Variants in POR observed in about 807,000 individuals in gnomAD.
POR encodes NADPH--cytochrome P450 reductase.
Under a neutral mutation model 84.0 loss-of-function variants are expected in POR, and 56 were observed. That is an observed-to-expected ratio of 0.67 (90% CI 0.54 to 0.83). The LOEUF is 0.83. Among genes scored for constraint, POR ranks in the 40% least tolerant of loss-of-function variants. The pLI, the probability that POR is intolerant of heterozygous loss-of-function variation, is 0.00. For synonymous variants in POR, 414 were observed against 400.5 expected, an observed-to-expected ratio of 1.03 and a Z score of -0.40; for missense variants, 938 against 944.3, an observed-to-expected ratio of 0.99 and a Z score of 0.09.
At chr7:75,940,643 G>A (rs1807934714) in intron 1 of POR, among the ~76,000 whole-genome samples, 1 of 151,826 alleles carries the variant, frequency 6.6e-6, no homozygotes, top group South Asian at 2.1e-4. Flanking sequence ...AATTAGCCGG[G>A]TGTGGTGGCA....
At position 75,983,766 on chromosome 7, in the gene POR, T is replaced by TACCCAGCCAACGACTCTGC; in HGVS notation, c.977_995dup (p.Leu333ProfsTer30). 6.2e-7 allele frequency: 1 copy of TACCCAGCCAACGACTCTGC among 1,612,456 alleles called. No homozygotes were observed. Among genetic ancestry groups the TACCCAGCCAACGACTCTGC allele is most frequent in the Non-Finnish European group, 8.5e-7 (1 of 1,179,726 alleles). On this transcript the variant is annotated frameshift_variant, in exon 10 of 16. Transcript: ENST00000461988. LOFTEE classifies it high-confidence loss of function. ...TGAATCTGGGGACCACGTGGCTGTGTACCCAGCCAACGACTCTGCTCTCGT... is the reference window on the plus strand; with the variant it reads ...TGAATCTGGGGACCACGTGGCTGTGTACCCAGCCAACGACTCTGCACCCAGCCAACGACTCTGCTCTCGT...
At chr7:75,978,927 A>G (rs1316095998) in intron 3 of POR, among the ~76,000 whole-genome samples, 3 of 148,476 alleles carry the variant, frequency 2.0e-5, no homozygotes, top group Non-Finnish European at 4.5e-5. Context: ...CTCCCTAGTA[A>G]CTGGGATTAC....
intron 12 of POR, 133 bp downstream of exon 12, chr7:75,985,340 A>C: frequency 8.0e-7 from 1 of 1,257,748 alleles, no homozygotes; most frequent in South Asian, 1.6e-5. Context: ...CGCAGCTCCA[A>C]ATGCCTCCCC....
At chr7:75,962,657 T>C (rs1215467725) in intron 2 of POR, among the ~76,000 whole-genome samples, 1 of 152,208 alleles carries the variant, frequency 6.6e-6, no homozygotes, top group African/African-American at 2.4e-5. Context: ...GACAGATGTA[T>C]GTGATTCTGT....
At chr7:75,980,928 G>C in intron 5 of POR, 120 bp from the exon 6 acceptor site, 2 of 1,271,058 alleles carry the variant, frequency 1.6e-6, no homozygotes, top group South Asian at 3.1e-5. Flanking sequence ...GTGGAACGGA[G>C]GCCTGCAGGT....
In POR at chr7:75,985,800, G is replaced by A; in HGVS notation, c.1620G>A (p.Val540=). ...TCATGGTGGGCCCCGGCACCGGGGT[G>A]GCACCCTTCATAGGCTTCATCCAGG... Residue 540 remains valine (V), a synonymous_variant, in exon 13 of 16, where the codon GTG becomes GTA. Transcript: ENST00000461988. 1.3e-6 allele frequency: 2 copies of A among 1,566,420 alleles called. No individual in the cohort carries two copies. The highest frequency in any genetic ancestry group is 1.7e-4 in the Middle Eastern group (1 of 5,978).
chr7:75,983,618 T>G lies in POR; in HGVS notation c.929T>G (p.Ile310Ser). Residue 310 changes from isoleucine to serine, a missense_variant, in exon 9 of 16, where the codon ATC (isoleucine) becomes AGC (serine). By Grantham distance (142) the Ile-to-Ser change is moderately radical (BLOSUM62 -2). Coordinates refer to ENST00000461988, the MANE Select transcript of POR (RefSeq NM_000941.3). ...CACCTCATGCACCTGGAATTGGACA[T>G]CTCGGACTCCAAAATCAGGTACCAG... 1.9e-6 allele frequency: 3 copies of G among 1,612,794 alleles called. No homozygotes were observed. The highest frequency in any genetic ancestry group is 2.5e-6 in the Non-Finnish European group (3 of 1,179,752).
In POR at chr7:75,964,924, A is replaced by G. The variant is rs138661155; in HGVS notation, c.189-7489A>G. 7.3e-3 allele frequency among the ~76,000 whole-genome samples: 1,104 copies of G among 152,204 alleles called. 31 individuals carry two copies. The highest frequency in any genetic ancestry group is 0.054 in the Admixed American group (832 of 15,272). On this transcript the variant is annotated intron_variant, in intron 2 of 15. Coordinates refer to ENST00000461988, the MANE Select transcript of POR (RefSeq NM_000941.3). ...GGTGGTGTGGACCTGTCATCGCAGC[A>G]CTTTGGGAGGCTGAGGCAGGAGTTG...
rs782714107 is a variant in POR, at chr7:75,981,155, G to A, written c.624G>A (p.Leu208=). 6 of 1,547,362 alleles carry A rather than the reference G, an allele frequency of 3.9e-6. No homozygotes were observed. Among genetic ancestry groups the A allele is most frequent in the Non-Finnish European group, 5.2e-6 (6 of 1,145,720 alleles). ...CCCAGCGCATCTTTGAGCTGGGGTT[G>A]GGCGACGACGATGGGAAGTGAGTGC... The change falls in exon 6 of 16, where the codon TTG becomes TTA. Residue 208 remains leucine (L), a synonymous_variant. Transcript: ENST00000461988.
At chr7:75,921,616 C>T (rs1554548848) in intron 1 of POR, among the ~76,000 whole-genome samples, 1 of 152,146 alleles carries the variant, frequency 6.6e-6, no homozygotes, top group African/African-American at 2.4e-5. Flanking sequence ...TTGTCACTTC[C>T]TGCTGCGCTG....
At chr7:75,978,901 G>GT (rs1788836074) in intron 3 of POR, among the ~76,000 whole-genome samples, 1 of 150,480 alleles carries the variant, frequency 6.6e-6, no homozygotes, top group Non-Finnish European at 1.5e-5. Flanking sequence ...GGTTCAAGCT[G>GT]TTTTCCTGCC....
Position 75,956,953 on chromosome 7 carries a change from C to T in POR, c.188+2773C>T, listed in dbSNP as rs374595274. Among the ~76,000 whole-genome samples the T allele has an allele frequency of 3.3e-4, 50 of 152,242 alleles. No homozygotes were observed. In the Middle Eastern group the frequency reaches 0.01, roughly 31 times the overall value. ...GTTGGCCAGGCTGGTCTCAAACTCC[C>T]GACCTCAGGTGAGCTGCCTGCCTCT... On this transcript the variant is annotated intron_variant, in intron 2 of 15. Coordinates refer to ENST00000461988, the MANE Select transcript of POR (RefSeq NM_000941.3).
At chr7:75,926,529 C>T (rs1563399403) in intron 1 of POR, among the ~76,000 whole-genome samples, 1 of 152,106 alleles carries the variant, frequency 6.6e-6, no homozygotes, top group East Asian at 1.9e-4. Context: ...GGTGTGGTGG[C>T]TCACACCTGT....
At position 75,986,048 on chromosome 7, in the gene POR, T is replaced by C. The variant is rs1789432393; in HGVS notation, c.1795T>C (p.Ser599Pro). 1 of 1,559,958 alleles carries C rather than the reference T, an allele frequency of 6.4e-7. No individual in the cohort carries two copies. Among genetic ancestry groups the C allele is most frequent in the Non-Finnish European group, 8.7e-7 (1 of 1,153,032 alleles). Reference sequence around the variant, plus strand: ...GCTCACCCAGCTCAACGTGGCCTTCTCCCGGGAGCAGTCCCACAAGGTGAG... The same window carrying C: ...GCTCACCCAGCTCAACGTGGCCTTCCCCCGGGAGCAGTCCCACAAGGTGAG... Residue 599 changes from serine to proline, a missense_variant, in exon 14 of 16, where the codon TCC (serine) becomes CCC (proline). By Grantham distance (74) the Ser-to-Pro change is moderately conservative. Transcript: ENST00000461988.
At chr7:75,976,999 C>T (rs531318406) in intron 3 of POR, among the ~76,000 whole-genome samples, 8 of 151,988 alleles carry the variant, frequency 5.3e-5, no homozygotes, top group African/African-American at 7.3e-5. Flanking sequence ...CATAGGCATG[C>T]GCCACCACAC....
chr7:75,964,368 C>T (rs539115912), intron 2 of POR, among the ~76,000 whole-genome samples: 11 of 152,166 alleles, frequency 7.2e-5, no homozygotes, highest in South Asian at 4.1e-4. Context: ...AGTGCAATGG[C>T]GCAATCTCGG....
At chr7:75,964,913 G>A (rs566119651) in intron 2 of POR, among the ~76,000 whole-genome samples, 18 of 152,292 alleles carry the variant, frequency 1.2e-4, no homozygotes, top group African/African-American at 3.9e-4. Flanking sequence ...GTGTGGACCT[G>A]TCATCGCAGC....
chr7:75,956,669 C>T (rs1309483180), intron 2 of POR, among the ~76,000 whole-genome samples: 1 of 151,878 alleles, frequency 6.6e-6, no homozygotes, highest in African/African-American at 2.4e-5. Flanking sequence ...ATGACGGGCA[C>T]GATCAGGACC....
At position 75,986,374 on chromosome 7, in the gene POR, T is replaced by A. The variant is rs782494829; in HGVS notation, c.1936T>A (p.Phe646Ile). The A allele has an allele frequency of 1.2e-6, 2 of 1,612,572 alleles. No individual in the cohort carries two copies. Among genetic ancestry groups the A allele is most frequent in the South Asian group, 1.1e-5 (1 of 91,074 alleles). Residue 646 changes from phenylalanine (F) to isoleucine (I), a missense_variant, in exon 16 of 16, where the codon TTC becomes ATC. Transcript: ENST00000461988. ...CATGGCCAGGGATGTGCAGAACACC[T>A]TCTACGACATCGTGGCTGAGCTCGG...
Sources: allele counts gnomAD v4.1 joint callset (sites outside exome capture counted in the v4.1 genomes callset), GRCh38; gene constraint gnomAD v4.1.1; transcripts MANE v1.5; gene names NCBI Gene and HGNC (gene_info 2026-07-23, HGNC 2026-07-21).